The following RAB3C variants were observed in gnomAD, a reference collection of about 807,000 sequenced individuals.
The protein encoded by RAB3C is ras-related protein Rab-3C.
A neutral mutation model predicts 26.4 loss-of-function variants in RAB3C; 17 were observed. That is an observed-to-expected ratio of 0.64 (90% CI 0.44 to 0.97). The LOEUF is 0.97. RAB3C is among the 50% of genes least tolerant of loss of function. RAB3C has a pLI of 0.00. For synonymous variants in RAB3C, 91 were observed against 95.9 expected (o/e 0.95, Z 0.30); for missense variants, 242 against 281.9 (o/e 0.86, Z 1.01).
chr5:58,646,217 C>G (rs1747514741), intron 2 of RAB3C, among the ~76,000 whole-genome samples: 1 of 152,280 alleles, frequency 6.6e-6, no homozygotes, highest in South Asian at 2.1e-4. Flanking sequence ...CTCATAGCGT[C>G]TTCTCTCACT....
At chr5:58,726,348 G>A (rs868115646) in intron 3 of RAB3C, among the ~76,000 whole-genome samples, 2 of 151,892 alleles carry the variant, frequency 1.3e-5, no homozygotes, top group African/African-American at 4.8e-5. Context: ...TCATTCCAGT[G>A]CTTTGCATTT....
intron 1 of RAB3C, among the ~76,000 whole-genome samples, chr5:58,590,504 T>C (rs1261170485): frequency 6.6e-6 from 1 of 152,108 alleles, no homozygotes; most frequent in Non-Finnish European, 1.5e-5. Flanking sequence ...TTTCTTTATT[T>C]AGATTCTTAA....
chr5:58,702,565 C>A (rs1267502425), intron 2 of RAB3C, among the ~76,000 whole-genome samples: 1 of 138,266 alleles, frequency 7.2e-6, no homozygotes, highest in Admixed American at 7.3e-5. Context: ...CTCTCATTCT[C>A]CTTTCTCTCT....
At chr5:58,850,626 A>G (rs1410302966) in intron 4 of RAB3C, among the ~76,000 whole-genome samples, 1 of 152,226 alleles carries the variant, frequency 6.6e-6, no homozygotes, top group Non-Finnish European at 1.5e-5. Context: ...ACAGCAGAAT[A>G]TGCACACCAA....
At chr5:58,624,881 A>C (rs190305428) in intron 2 of RAB3C, among the ~76,000 whole-genome samples, 15 of 152,282 alleles carry the variant, frequency 9.9e-5, no homozygotes, top group East Asian at 7.7e-4. Context: ...AACTGAAAAA[A>C]AAACAAACAA....
intron 3 of RAB3C, among the ~76,000 whole-genome samples, chr5:58,737,302 C>T (rs778325406): frequency 1.1e-4 from 16 of 150,128 alleles, no homozygotes; most frequent in Non-Finnish European, 1.9e-4. Flanking sequence ...TTTTTTTCTT[C>T]CCCCACCCTA....
In RAB3C at chr5:58,736,188, A is replaced by G. The variant is rs61346635; in HGVS notation, c.371+10068A>G. 2.9e-3 allele frequency among the ~76,000 whole-genome samples: 438 copies of G among 152,204 alleles called. 2 individuals carry two copies. The highest frequency in any genetic ancestry group is 8.6e-3 in the African/African-American group (355 of 41,518). On this transcript the variant is annotated intron_variant, in intron 3 of 4. Coordinates refer to ENST00000282878, the MANE Select transcript of RAB3C (RefSeq NM_138453.4). ...TTGCACCATTCCTAGCCACAACCTT[A>G]ACAGCATGCAGGGCCCCATGGTCTA...
rs1743614197 is a variant in RAB3C, at chr5:58,831,562, C to T, written c.496+6400C>T. 2.0e-5 allele frequency among the ~76,000 whole-genome samples: 3 copies of T among 152,208 alleles called. No homozygotes were observed. The South Asian group carries it at 6.2e-4, about 32-fold the overall frequency. ...TAAATTGTACAGCAATTTTTCAGTA[C>T]CTTTAGAGCACCACTTTAGGGAAGC... On this transcript the variant is annotated intron_variant, in intron 4 of 4. Transcript: ENST00000282878.
intron 1 of RAB3C, among the ~76,000 whole-genome samples, chr5:58,607,469 A>C (rs991056109): frequency 6.6e-6 from 1 of 152,232 alleles, no homozygotes; most frequent in Non-Finnish European, 1.5e-5. Flanking sequence ...GGAGAATGGA[A>C]CCAAGTTGGA....
At position 58,851,466 on chromosome 5, in the gene RAB3C, G is replaced by C; in HGVS notation, c.*115G>C. 1 of 818,396 alleles carries C rather than the reference G, an allele frequency of 1.2e-6. No homozygotes were observed. The highest frequency in any genetic ancestry group is 1.8e-6 in the Non-Finnish European group (1 of 544,174). 50.7% of individuals were successfully genotyped at this position (818,396 alleles called of 1,614,324 possible). ...TAACAATTATTTGAAGGAATAAATT[G>C]ATGTCAATGGCTCGTACGCATTCAA... On this transcript the variant is annotated 3_prime_UTR_variant, in exon 5 of 5. Coordinates refer to ENST00000282878, the MANE Select transcript of RAB3C (RefSeq NM_138453.4).
intron 2 of RAB3C, among the ~76,000 whole-genome samples, chr5:58,660,066 A>T (rs1295891696): frequency 0.019 from 2,788 of 147,632 alleles, 206 homozygotes; most frequent in African/African-American, 0.071. Context: ...CGGCCTCCCA[A>T]AGTGCTGGGA....
At chr5:58,813,588 A>ATATT (rs1178603106) in intron 3 of RAB3C, among the ~76,000 whole-genome samples, 2 of 36,216 alleles carry the variant, frequency 5.5e-5, no homozygotes, top group Admixed American at 3.5e-4. Context: ...ATTTATATTT[A>ATATT]TATTTATATA....
At chr5:58,724,861 G>C (rs1363814948) in intron 2 of RAB3C, among the ~76,000 whole-genome samples, 1 of 151,178 alleles carries the variant, frequency 6.6e-6, no homozygotes, top group African/African-American at 2.4e-5. Flanking sequence ...TTCTGACTTT[G>C]TGTTATTACA....
chr5:58,803,823 G>A (rs1742870141), intron 3 of RAB3C, among the ~76,000 whole-genome samples: 1 of 152,184 alleles, frequency 6.6e-6, no homozygotes. Context: ...CACTTTGGGA[G>A]GCTGAGGCGG....
intron 3 of RAB3C, among the ~76,000 whole-genome samples, chr5:58,790,733 A>G (rs1167956394): frequency 6.6e-6 from 1 of 152,224 alleles, no homozygotes; most frequent in Non-Finnish European, 1.5e-5. Context: ...AAGAGAAGAA[A>G]AAATGATGTC....
chr5:58,585,957 A>AT (rs939617248), intron 1 of RAB3C, among the ~76,000 whole-genome samples: 6 of 152,046 alleles, frequency 3.9e-5, no homozygotes, highest in African/African-American at 1.4e-4. Context: ...GTATACATGA[A>AT]TCCTGAAGGC....
intron 2 of RAB3C, among the ~76,000 whole-genome samples, chr5:58,677,595 C>A (rs1359753607): frequency 1.3e-5 from 2 of 151,658 alleles, no homozygotes; most frequent in Non-Finnish European, 1.5e-5. Context: ...ATGATTGATA[C>A]CCAATAAATA....
At chr5:58,758,641 A>C (rs1391277961) in intron 3 of RAB3C, among the ~76,000 whole-genome samples, 1 of 152,224 alleles carries the variant, frequency 6.6e-6, no homozygotes, top group Non-Finnish European at 1.5e-5. Flanking sequence ...GAAGATAATA[A>C]AGAAATAAAT....
At chr5:58,773,136 G>C (rs1463421794) in intron 3 of RAB3C, among the ~76,000 whole-genome samples, 2 of 152,186 alleles carry the variant, frequency 1.3e-5, no homozygotes, top group Non-Finnish European at 2.9e-5. Flanking sequence ...AGCCAACCTA[G>C]CTCAGCTTAG....
Sources: gnomAD v4.1 joint callset for allele counts (sites outside exome capture counted in the v4.1 genomes callset) on GRCh38, gnomAD v4.1.1 for gene constraint, MANE v1.5 for transcripts, NCBI Gene and HGNC (gene_info 2026-07-23, HGNC 2026-07-21) for gene names.